The following FURIN variants were observed in gnomAD, a reference collection of about 807,000 sequenced individuals.
FURIN encodes FES upstream region.
Under a neutral mutation model 89.2 loss-of-function variants are expected in FURIN, and 18 were observed. The observed-to-expected ratio is 0.20, with a 90% CI of 0.14 to 0.30. FURIN has a LOEUF of 0.30. FURIN is among the 10% of genes least tolerant of loss of function. FURIN has a pLI of 1.00. For synonymous variants in FURIN, 508 were observed against 466.4 expected (o/e 1.09, Z -1.15); for missense variants, 879 against 1,100.5 (o/e 0.80, Z 2.85).
At position 90,876,592 on chromosome 15, in the gene FURIN, C is replaced by A; in HGVS notation, c.372+35C>A. The A allele has an allele frequency of 7.6e-7, 1 of 1,310,326 alleles. No homozygotes were observed. Among genetic ancestry groups the A allele is most frequent in the African/African-American group, 1.4e-5 (1 of 69,102 alleles). The allele number at this position is 1,310,326 out of a possible 1,614,324, so 81.2% of individuals were successfully genotyped here. A position where few individuals can be genotyped will look rare whatever the true frequency, so the allele number is the denominator to read the frequency against. On this transcript the variant is annotated intron_variant, in intron 4 of 15. Transcript: ENST00000268171. The surrounding 1 kb of genome is among the most constrained non-coding windows in gnomAD (Gnocchi z 5.0). Reference sequence around the variant, plus strand: ...CTTCTTCGCTGCTGGGACCTCCTCCCCAGATGCACCATCCACCCACTATGA... The same window carrying A: ...CTTCTTCGCTGCTGGGACCTCCTCCACAGATGCACCATCCACCCACTATGA...
rs750056602 is a variant in FURIN at position 90,881,541 on chromosome 15, G to A, written c.2048G>A (p.Arg683Gln). The A allele has an allele frequency of 3.1e-6, 5 of 1,611,378 alleles. No individual in the cohort carries two copies. The highest frequency in any genetic ancestry group is 2.2e-5 in the South Asian group (2 of 91,034). The stretch of plus-strand genomic sequence containing the variant: ...TGCTCCCGGCAAAGCCAGAGCAGCC[G>A]AGAGTCCCCGCCACAGCAGCAGCCA... ...QTCSRQSQSS[R>Q]ESPPQQQPPR... The change falls in exon 16 of 16, where the codon CGA (arginine) becomes CAA (glutamine). Residue 683 changes from arginine (R) to glutamine (Q), a missense_variant. Around this residue, in one of 5 missense-constraint regions of FURIN, gnomAD observed 457 missense variants for 490.7 expected, o/e 0.93. Transcript: ENST00000268171. The surrounding 1 kb of genome is among the most constrained non-coding windows in gnomAD (Gnocchi z 4.3).
At chr15:90,880,885 T>C (rs374435051) in intron 14 of FURIN, 45 bp from the exon 15 acceptor site, 8 of 1,610,946 alleles carry the variant, frequency 5.0e-6, no homozygotes, top group Admixed American at 1.7e-5. Context: ...CTGGGTGTGG[T>C]GCCAGCACTG....
At position 90,876,005 on chromosome 15, in the gene FURIN, C is replaced by T. The variant is rs762093866; in HGVS notation, c.177+88C>T. Reference sequence around the variant, plus strand: ...GCAGGAGCTGTTGGCCTTGTTTGCTCAGGGGCATCTGGGTAGCCGGCATGT... The same window carrying T: ...GCAGGAGCTGTTGGCCTTGTTTGCTTAGGGGCATCTGGGTAGCCGGCATGT... On this transcript the variant is annotated intron_variant, in intron 2 of 15. Coordinates refer to ENST00000268171, the MANE Select transcript of FURIN (RefSeq NM_002569.4). This position sits in a 1 kb window ranked among gnomAD's most constrained non-coding sequence, Gnocchi z 5.0. The T allele has an allele frequency of 2.5e-6, 3 of 1,187,822 alleles. No individual in the cohort carries two copies. Among genetic ancestry groups the T allele is most frequent in the Non-Finnish European group, 3.5e-6 (3 of 854,736 alleles). The allele number at this position is 1,187,822 out of a possible 1,614,324, so 73.6% of individuals were successfully genotyped here. A position where few individuals can be genotyped will look rare whatever the true frequency, so the allele number is the denominator to read the frequency against.
At chr15:90,880,876 T>G in intron 14 of FURIN, 54 bp from the exon 15 acceptor site, 2 of 1,610,276 alleles carry the variant, frequency 1.2e-6, no homozygotes, top group Non-Finnish European at 1.7e-6. Flanking sequence ...TCTCGAGCAC[T>G]GGGTGTGGTG....
chr15:90,881,419 C>A lies in FURIN; in HGVS notation c.1926C>A (p.Ala642=), dbSNP rs543689016. 1.2e-6 allele frequency: 2 copies of A among 1,612,826 alleles called. No homozygotes were observed. The highest frequency in any genetic ancestry group is 3.3e-5 in the Admixed American group (2 of 60,022). Residue 642 remains alanine, a synonymous_variant, in exon 16 of 16, where the codon GCC becomes GCA. Coordinates refer to ENST00000268171, the MANE Select transcript of FURIN (RefSeq NM_002569.4). The surrounding 1 kb of genome is among the most constrained non-coding windows in gnomAD (Gnocchi z 4.3). ...AGACCATCCGGGCCAGCGTCTGCGC[C>A]CCCTGCCACGCCTCATGTGCCACAT... is the stretch of plus-strand genomic sequence containing the variant. ...DVETIRASVC[A]PCHASCATCQ...
Position 90,877,227 on chromosome 15 carries a change from C to T in FURIN, c.578+16C>T. The T allele has an allele frequency of 1.3e-6, 2 of 1,575,258 alleles. No individual in the cohort carries two copies. The highest frequency in any genetic ancestry group is 1.7e-6 in the Non-Finnish European group (2 of 1,155,310). On this transcript the variant is annotated intron_variant, in intron 6 of 15. Transcript: ENST00000268171. ...ATGACAACAGGTAAGAAGTGGCAGGCCCCGGTCTCTGCCTCCCTTCTCCTT... is the reference window on the plus strand; with the variant it reads ...ATGACAACAGGTAAGAAGTGGCAGGTCCCGGTCTCTGCCTCCCTTCTCCTT...
In FURIN at chr15:90,869,733, T is replaced by C. The variant is rs1596072350; in HGVS notation, c.-160+1022T>C. Among the ~76,000 whole-genome samples, 2 of 152,310 alleles carry C rather than the reference T, an allele frequency of 1.3e-5. 1 individual carries two copies. On this transcript the variant is annotated intron_variant, in intron 1 of 15. Coordinates refer to ENST00000268171, the MANE Select transcript of FURIN (RefSeq NM_002569.4). ...AGCCCCTCCCCCTCCAAAGACCCAC[T>C]GCGGGCTCCCCTGGGGCCAGTCTCC...
chr15:90,879,857 G>C lies in FURIN; in HGVS notation c.1259-10G>C. On this transcript the variant is annotated splice_polypyrimidine_tract_variant and intron_variant, in intron 11 of 15. Transcript: ENST00000268171. ...CCTGACAGCTGACCCTACCTTCCCTGTCCCCACAGTGAGCCACTCATATGG... is the reference window on the plus strand; with the variant it reads ...CCTGACAGCTGACCCTACCTTCCCTCTCCCCACAGTGAGCCACTCATATGG... 6.2e-7 allele frequency: 1 copy of C among 1,612,300 alleles called. No individual in the cohort carries two copies. Among genetic ancestry groups the C allele is most frequent in the South Asian group, 1.1e-5 (1 of 91,064 alleles).
In FURIN at chr15:90,881,796, A is replaced by G. The variant is rs2031994481; in HGVS notation, c.2303A>G (p.Gln768Arg). The change falls in exon 16 of 16, where the codon CAG becomes CGG. Residue 768 changes from glutamine (Q) to arginine (R), a missense_variant. Physicochemically the swap from Gln to Arg is conservative, Grantham distance 43. This residue lies in a region of FURIN where 457 missense variants were observed against 490.7 expected (regional missense o/e 0.93). Coordinates refer to ENST00000268171, the MANE Select transcript of FURIN (RefSeq NM_002569.4). The surrounding 1 kb of genome is among the most constrained non-coding windows in gnomAD (Gnocchi z 4.3). ...SYKGLPPEAWQEECPSDSEED... is the reference protein window; with the variant it reads ...SYKGLPPEAWREECPSDSEED... ...AAGGGGCTGCCCCCTGAAGCCTGGCAGGAGGAGTGCCCGTCTGACTCAGAA... is the reference window on the plus strand; with the variant it reads ...AAGGGGCTGCCCCCTGAAGCCTGGCGGGAGGAGTGCCCGTCTGACTCAGAA... 2 of 1,613,528 alleles carry G rather than the reference A, an allele frequency of 1.2e-6. No individual in the cohort carries two copies. The highest frequency in any genetic ancestry group is 1.3e-5 in the African/African-American group (1 of 74,938).
chr15:90,874,565 C>T (rs28716087), intron 1 of FURIN, among the ~76,000 whole-genome samples: 97 of 152,380 alleles, frequency 6.4e-4, no homozygotes, highest in African/African-American at 2.2e-3. Context: ...AAAGCACCAT[C>T]CCATTTAGGG....
chr15:90,870,912 T>A (rs1443453752), intron 1 of FURIN, among the ~76,000 whole-genome samples: 2 of 152,068 alleles, frequency 1.3e-5, no homozygotes, highest in Non-Finnish European at 1.5e-5. Flanking sequence ...AAGGAGATAA[T>A]GTAAAGTGAC....
In FURIN at chr15:90,881,483, A is replaced by G; in HGVS notation, c.1990A>G (p.Ser664Gly). The change falls in exon 16 of 16, where the codon AGC (serine) becomes GGC (glycine). Residue 664 changes from serine to glycine, a missense_variant. This residue lies in a region of FURIN where 457 missense variants were observed against 490.7 expected (regional missense o/e 0.93). Transcript: ENST00000268171. The surrounding 1 kb of genome is among the most constrained non-coding windows in gnomAD (Gnocchi z 4.3). ...CCTGACAGACTGCCTCAGCTGCCCCAGCCACGCCTCCTTGGACCCTGTGGA... is the reference window on the plus strand; with the variant it reads ...CCTGACAGACTGCCTCAGCTGCCCCGGCCACGCCTCCTTGGACCCTGTGGA... ...PALTDCLSCP[S>G]HASLDPVEQT... 1.9e-6 allele frequency: 3 copies of G among 1,611,986 alleles called. No homozygotes were observed. The highest frequency in any genetic ancestry group is 2.5e-6 in the Non-Finnish European group (3 of 1,179,732).
At chr15:90,869,987 A>C (rs1000289443) in intron 1 of FURIN, among the ~76,000 whole-genome samples, 2 of 152,156 alleles carry the variant, frequency 1.3e-5, no homozygotes, top group Admixed American at 6.5e-5. Flanking sequence ...TGTGGCCCCT[A>C]CAAGTCTTAG....
Position 90,881,660 on chromosome 15 carries a change from G to A in FURIN, c.2167G>A (p.Ala723Thr), listed in dbSNP as rs1412027758. The change falls in exon 16 of 16, where the codon GCC becomes ACC. Residue 723 changes from alanine to threonine, a missense_variant. By Grantham distance (58) the Ala-to-Thr change is moderately conservative (BLOSUM62 0). Coordinates refer to ENST00000268171, the MANE Select transcript of FURIN (RefSeq NM_002569.4). This position sits in a 1 kb window ranked among gnomAD's most constrained non-coding sequence, Gnocchi z 4.3. ...LPEVVAGLSC[A>T]FIVLVFVTVF... Reference sequence around the variant, plus strand: ...TGAGGTGGTGGCCGGCCTCAGCTGCGCCTTCATCGTGCTGGTCTTCGTCAC... The same window carrying A: ...TGAGGTGGTGGCCGGCCTCAGCTGCACCTTCATCGTGCTGGTCTTCGTCAC... The A allele has an allele frequency of 1.6e-5, 26 of 1,585,696 alleles. No homozygotes were observed. The highest frequency in any genetic ancestry group is 2.1e-5 in the Non-Finnish European group (24 of 1,164,020).
Position 90,881,622 on chromosome 15 carries a change from CCT to C in FURIN, c.2131_2132del (p.Ser711ThrfsTer4). 1 of 1,597,802 alleles carries C rather than the reference CCT, an allele frequency of 6.3e-7. No homozygotes were observed. The highest frequency in any genetic ancestry group is 8.5e-7 in the Non-Finnish European group (1 of 1,169,992). ...CAACGGCTGCGGGCAGGGCTGCTGC[CCT>C]CACACCTGCCTGAGGTGGTGGCCGG... On this transcript the variant is annotated frameshift_variant, in exon 16 of 16. Coordinates refer to ENST00000268171, the MANE Select transcript of FURIN (RefSeq NM_002569.4). LOFTEE classifies it high-confidence loss of function. This position sits in a 1 kb window ranked among gnomAD's most constrained non-coding sequence, Gnocchi z 4.3.
In FURIN at chr15:90,880,156, A is replaced by ACATCACTCG. The variant is rs758010400; in HGVS notation, c.1440_1448dup (p.Ile481_Arg483dup). 6.2e-7 allele frequency: 1 copy of ACATCACTCG among 1,612,456 alleles called. No individual in the cohort carries two copies. Among genetic ancestry groups the ACATCACTCG allele is most frequent in the South Asian group, 1.1e-5 (1 of 91,008 alleles). On this transcript the variant is annotated inframe_insertion, in exon 13 of 16. Coordinates refer to ENST00000268171, the MANE Select transcript of FURIN (RefSeq NM_002569.4). The stretch of plus-strand genomic sequence containing the variant: ...ACCGCGTGCCTGGGCGAGCCCAACC[A>ACATCACTCG]CATCACTCGGCTGGAGCACGCTCAG...
In FURIN at chr15:90,882,843, C is replaced by G. The variant is rs1195954229; in HGVS notation, c.*965C>G. 1 of 152,720 alleles carries G rather than the reference C, an allele frequency of 6.5e-6. No individual in the cohort carries two copies. The highest frequency in any genetic ancestry group is 6.5e-5 in the Admixed American group (1 of 15,292). 9.5% of individuals were successfully genotyped at this position (152,720 alleles called of 1,614,324 possible). ...CAGCTGGACTACCCACGTTCTCACA[C>G]CCACCGTCCGCCCTGCTCCTCCCTG... On this transcript the variant is annotated 3_prime_UTR_variant, in exon 16 of 16. Transcript: ENST00000268171.
At chr15:90,874,254 G>A (rs1057132573) in intron 1 of FURIN, among the ~76,000 whole-genome samples, 4 of 152,248 alleles carry the variant, frequency 2.6e-5, no homozygotes, top group Admixed American at 2.0e-4. Context: ...TGCTGAAGGA[G>A]GAAAAACAAC....
Position 90,881,733 on chromosome 15 carries a change from T to C in FURIN, c.2240T>C (p.Val747Ala). The C allele has an allele frequency of 6.2e-7, 1 of 1,601,680 alleles. No homozygotes were observed. The highest frequency in any genetic ancestry group is 8.5e-7 in the Non-Finnish European group (1 of 1,173,226). The change falls in exon 16 of 16, where the codon GTG (valine) becomes GCG (alanine). Residue 747 changes from valine (V) to alanine (A), a missense_variant. Physicochemically the swap from Val to Ala is moderately conservative, Grantham distance 64. Around this residue, in one of 5 missense-constraint regions of FURIN, gnomAD observed 457 missense variants for 490.7 expected, o/e 0.93. Transcript: ENST00000268171. The surrounding 1 kb of genome is among the most constrained non-coding windows in gnomAD (Gnocchi z 4.3). ...CGCTCTGGCTTTAGTTTTCGGGGGG[T>C]GAAGGTGTACACCATGGACCGTGGC... is the stretch of plus-strand genomic sequence containing the variant. Reference protein sequence around the residue: ...QLRSGFSFRGVKVYTMDRGLI... With the variant: ...QLRSGFSFRGAKVYTMDRGLI...
Sources: allele counts gnomAD v4.1 joint callset (sites outside exome capture counted in the v4.1 genomes callset), GRCh38; gene constraint gnomAD v4.1.1; regional missense constraint gnomAD v4.1.1; non-coding constraint Gnocchi (gnomAD v3.1); transcripts MANE v1.5; gene names NCBI Gene and HGNC (gene_info 2026-07-23, HGNC 2026-07-21).